The following TRHDE variants were observed in gnomAD, a reference collection of about 807,000 sequenced individuals.
The protein encoded by TRHDE is thyrotropin-releasing hormone-degrading ectoenzyme.
Under a neutral mutation model 125.7 loss-of-function variants are expected in TRHDE, and 72 were observed. That is an observed-to-expected ratio of 0.57 (90% CI 0.47 to 0.70). The LOEUF (loss-of-function observed/expected upper bound fraction) is 0.70. Among genes scored for constraint, TRHDE ranks in the 30% least tolerant of loss-of-function variants. The pLI, the probability that TRHDE is intolerant of heterozygous loss-of-function variation, is 0.00. For synonymous variants in TRHDE, 509 were observed against 509.1 expected, an observed-to-expected ratio of 1.00 and a Z score of 0.00; for missense variants, 1,110 against 1,327.1, an observed-to-expected ratio of 0.84 and a Z score of 2.54.
chr12:72,452,595 A>T (rs1875634134), intron 3 of TRHDE, among the ~76,000 whole-genome samples: 1 of 152,092 alleles, frequency 6.6e-6, no homozygotes, highest in Admixed American at 6.6e-5. Context: ...TGGATAATAT[A>T]GTTTGGATGT....
chr12:72,228,407 C>T (rs1290969585), intron 2 of TRHDE, among the ~76,000 whole-genome samples: 2 of 152,140 alleles, frequency 1.3e-5, no homozygotes, highest in Non-Finnish European at 2.9e-5. Flanking sequence ...GGCGTGAATG[C>T]AGGGGACCAA....
chr12:72,582,835 A>T (rs962814570), intron 12 of TRHDE, among the ~76,000 whole-genome samples: 1 of 152,204 alleles, frequency 6.6e-6, no homozygotes, highest in Admixed American at 6.5e-5. Flanking sequence ...GATCCCTCTA[A>T]TATCCTGCCT....
chr12:72,272,804 G>A lies in TRHDE; in HGVS notation c.161G>A (p.Arg54Gln). The A allele has an allele frequency of 6.4e-7, 1 of 1,564,414 alleles. No homozygotes were observed. Among genetic ancestry groups the A allele is most frequent in the Non-Finnish European group, 8.6e-7 (1 of 1,158,146 alleles). Reference sequence around the variant, plus strand: ...ATGGGGGAAGACGACGCCGCGCTTCGGGCTGGCAGCAGGGGGCTCTCCGAC... The same window carrying A: ...ATGGGGGAAGACGACGCCGCGCTTCAGGCTGGCAGCAGGGGGCTCTCCGAC... ...AAMGEDDAAL[R>Q]AGSRGLSDPW... is the part of the protein sequence containing the mutation. Residue 54 changes from arginine (R) to glutamine (Q), a missense_variant, in exon 1 of 19, where the codon CGG becomes CAG. By Grantham distance (43) the Arg-to-Gln change is conservative (BLOSUM62 1). Around this residue, in one of 5 missense-constraint regions of TRHDE, gnomAD observed 248 missense variants for 240.8 expected, o/e 1.03. Coordinates refer to ENST00000261180, the MANE Select transcript of TRHDE (RefSeq NM_013381.3). This position sits in a 1 kb window ranked among gnomAD's most constrained non-coding sequence, Gnocchi z 6.7.
chr12:72,414,307 C>T (rs1239844895), intron 3 of TRHDE, among the ~76,000 whole-genome samples: 7 of 152,034 alleles, frequency 4.6e-5, no homozygotes, highest in African/African-American at 1.4e-4. Context: ...AGCCCAGGAA[C>T]ACCTTTGGAT....
chr12:72,392,100 A>T (rs1872632507), intron 3 of TRHDE, among the ~76,000 whole-genome samples: 2 of 152,166 alleles, frequency 1.3e-5, no homozygotes, highest in Non-Finnish European at 2.9e-5. Flanking sequence ...CCAGGAACAG[A>T]GTCATCACCA....
At chr12:72,585,164 G>C (rs1448724003) in intron 12 of TRHDE, among the ~76,000 whole-genome samples, 1 of 152,054 alleles carries the variant, frequency 6.6e-6, no homozygotes, top group Non-Finnish European at 1.5e-5. Context: ...TTTTATGTCT[G>C]TTTCTTCATA....
chr12:72,434,659 C>A (rs910654967), intron 3 of TRHDE, among the ~76,000 whole-genome samples: 2 of 152,090 alleles, frequency 1.3e-5, no homozygotes, highest in Non-Finnish European at 2.9e-5. Context: ...TGACCTTGTA[C>A]GTTCTTTCTA....
intron 5 of TRHDE, among the ~76,000 whole-genome samples, chr12:72,485,675 C>T (rs1048327222): frequency 5.3e-5 from 8 of 152,182 alleles, no homozygotes; most frequent in South Asian, 2.1e-4. Flanking sequence ...ACAGCTAACT[C>T]GGAGTCCTGC....
intron 3 of TRHDE, among the ~76,000 whole-genome samples, chr12:72,458,179 AT>A (rs761592441): frequency 2.2e-4 from 34 of 152,180 alleles, no homozygotes; most frequent in Non-Finnish European, 4.4e-4. Context: ...TTTACAATTT[AT>A]TTGGGAAACC....
In TRHDE at chr12:72,639,603, C is replaced by G. The variant is rs1309442160; in HGVS notation, c.2676-12719C>G. On this transcript the variant is annotated intron_variant, in intron 15 of 18. Coordinates refer to ENST00000261180, the MANE Select transcript of TRHDE (RefSeq NM_013381.3). The stretch of plus-strand genomic sequence containing the variant: ...CTGCTTTTTAGAGTTTCCAGTTTTT[C>G]TGCTCTGTTTTTTCCCCATCTTTGT... Among the ~76,000 whole-genome samples the G allele has an allele frequency of 3.3e-5, 5 of 152,170 alleles. No homozygotes were observed. In the East Asian group the frequency reaches 9.7e-4, roughly 29 times the overall value.
chr12:72,429,569 G>A (rs1206662159), intron 3 of TRHDE, among the ~76,000 whole-genome samples: 1 of 151,856 alleles, frequency 6.6e-6, no homozygotes, highest in Non-Finnish European at 1.5e-5. Flanking sequence ...TGGATCATGT[G>A]GGAACTCTAT....
chr12:72,550,154 T>C (rs916948545), intron 7 of TRHDE, among the ~76,000 whole-genome samples: 1 of 151,922 alleles, frequency 6.6e-6, no homozygotes, highest in African/African-American at 2.4e-5. Flanking sequence ...TTATTAGACA[T>C]ATTTAGTTGA....
At chr12:72,327,398 T>A (rs1443612082) in intron 2 of TRHDE, among the ~76,000 whole-genome samples, 1 of 152,182 alleles carries the variant, frequency 6.6e-6, no homozygotes. Context: ...TGAATGTCCT[T>A]TCTCACATCA....
At chr12:72,567,306 C>G (rs557009644) in intron 9 of TRHDE, among the ~76,000 whole-genome samples, 66 of 150,558 alleles carry the variant, frequency 4.4e-4, no homozygotes, top group African/African-American at 1.5e-3. Context: ...AGTTTGCCCT[C>G]CAAAATGTTT....
At chr12:72,337,799 A>G (rs1458646921) in intron 2 of TRHDE, among the ~76,000 whole-genome samples, 1 of 139,182 alleles carries the variant, frequency 7.2e-6, no homozygotes, top group African/African-American at 2.5e-5. Context: ...TGAAATTTGC[A>G]CTGCTATTAT....
At position 72,663,355 on chromosome 12, in the gene TRHDE, A is replaced by T. The variant is rs1309757752; in HGVS notation, c.*160A>T. ...AGTTTTTATTTTTTGGTTTTGGGGG[A>T]TATTTTTTATTTGTTTCATTCATTC... On this transcript the variant is annotated 3_prime_UTR_variant, in exon 19 of 19. Coordinates refer to ENST00000261180, the MANE Select transcript of TRHDE (RefSeq NM_013381.3). 5.8e-6 allele frequency: 3 copies of T among 517,234 alleles called. No homozygotes were observed. The highest frequency in any genetic ancestry group is 9.8e-6 in the Non-Finnish European group (3 of 306,168). The allele number at this position is 517,234 out of a possible 1,614,324, so 32.0% of individuals were successfully genotyped here. A position where few individuals can be genotyped will look rare whatever the true frequency, so the allele number is the denominator to read the frequency against.
chr12:72,266,014 G>A (rs944239696), intron 2 of TRHDE, among the ~76,000 whole-genome samples: 1 of 151,818 alleles, frequency 6.6e-6, no homozygotes, highest in Non-Finnish European at 1.5e-5. Flanking sequence ...TCAGATTCAA[G>A]AAAATACTGT....
At chr12:72,618,796 T>C (rs1592575860) in intron 12 of TRHDE, 95 bp from the exon 13 acceptor site, 2 of 1,002,978 alleles carry the variant, frequency 2.0e-6, no homozygotes, top group South Asian at 2.2e-5. Flanking sequence ...GCTTTCTTTA[T>C]ACTATGATGA....
Position 72,242,214 on chromosome 12 carries a change from A to G in TRHDE, n.280-135781A>G, listed in dbSNP as rs189567147. Among the ~76,000 whole-genome samples the G allele has an allele frequency of 4.1e-3, 621 of 152,334 alleles. 4 individuals are homozygous for G. Among genetic ancestry groups the G allele is most frequent in the Non-Finnish European group, 6.9e-3 (467 of 68,028 alleles). ...AGACATCTTTGCATAATCTTGGGTC[A>G]TGAAGACTTTCTTTGAATTTGGTTA... is the stretch of plus-strand genomic sequence containing the variant. On this transcript the variant is annotated intron_variant and non_coding_transcript_variant, in intron 2 of 4. Transcript: ENST00000548156.
Sources: allele counts gnomAD v4.1 joint callset (sites outside exome capture counted in the v4.1 genomes callset), GRCh38; gene constraint gnomAD v4.1.1; regional missense constraint gnomAD v4.1.1; non-coding constraint Gnocchi (gnomAD v3.1); transcripts MANE v1.5; gene names NCBI Gene and HGNC (gene_info 2026-07-23, HGNC 2026-07-21).